LARGE1: variants seen among roughly 807,000 people sequenced by gnomAD.
The protein encoded by LARGE1 is LARGE xylosyl- and glucuronyltransferase 1, also known as xylosyl- and glucuronyltransferase LARGE1.
Under a neutral mutation model 87.6 loss-of-function variants are expected in LARGE1, and 43 were observed. That is an observed-to-expected ratio of 0.49 (90% CI 0.38 to 0.63). The LOEUF (loss-of-function observed/expected upper bound fraction) is 0.63. Among genes scored for constraint, LARGE1 ranks in the 30% least tolerant of loss-of-function variants. The pLI is 0.00. For synonymous variants in LARGE1, 434 were observed against 394.6 expected, an observed-to-expected ratio of 1.10 and a Z score of -1.18; for missense variants, 802 against 1,000.2, an observed-to-expected ratio of 0.80 and a Z score of 2.67.
chr22:33,835,824 G>A (rs1307874319), intron 1 of LARGE1, among the ~76,000 whole-genome samples: 4 of 152,194 alleles, frequency 2.6e-5, no homozygotes, highest in Non-Finnish European at 5.9e-5. Flanking sequence ...CACATTAGGC[G>A]TTAACTACCA....
chr22:33,600,773 G>A (rs2079092957), intron 5 of LARGE1, among the ~76,000 whole-genome samples: 1 of 152,132 alleles, frequency 6.6e-6, no homozygotes, highest in South Asian at 2.1e-4. Flanking sequence ...TCAGCCGGGG[G>A]CAGTGGCTCA....
chr22:33,750,223 G>A (rs1412450557), intron 2 of LARGE1, among the ~76,000 whole-genome samples: 2 of 152,170 alleles, frequency 1.3e-5, no homozygotes, highest in Admixed American at 6.5e-5. Flanking sequence ...GATGGAGATC[G>A]TGACAAAATG....
intron 7 of LARGE1, among the ~76,000 whole-genome samples, chr22:33,414,541 G>C (rs1001335003): frequency 6.6e-6 from 1 of 152,148 alleles, no homozygotes; most frequent in Non-Finnish European, 1.5e-5. Context: ...ACTAGGATTG[G>C]CAACTCATGT....
At chr22:33,584,632 T>G (rs2078616797) in intron 5 of LARGE1, among the ~76,000 whole-genome samples, 1 of 151,714 alleles carries the variant, frequency 6.6e-6, no homozygotes, top group Non-Finnish European at 1.5e-5. Flanking sequence ...TTAAATAGAG[T>G]TAACATCAGG....
chr22:33,729,298 C>T (rs1291068393), intron 2 of LARGE1, among the ~76,000 whole-genome samples: 1 of 152,142 alleles, frequency 6.6e-6, no homozygotes, highest in African/African-American at 2.4e-5. Flanking sequence ...ATCAACCATC[C>T]AATTTTAAGG....
chr22:33,095,025 G>T, the LARGE1 span, among the ~76,000 whole-genome samples: 2 of 152,094 alleles, frequency 1.3e-5, no homozygotes, highest in African/African-American at 4.8e-5. Flanking sequence ...GGCCTCTCCT[G>T]TGTTCTTATA....
At position 33,838,536 on chromosome 22, in the gene LARGE1, G is replaced by C. The variant is rs561565315; in HGVS notation, c.-82-76978C>G. ...TGCCTGCAGTCCCAGCTACTTGGGA[G>C]GCTGAGGCAGGAGGATCACTTGAGC... On this transcript the variant is annotated intron_variant, in intron 1 of 14. Coordinates refer to ENST00000397394, the MANE Select transcript of LARGE1 (RefSeq NM_133642.5). Among the ~76,000 whole-genome samples, 420 of 152,310 alleles carry C rather than the reference G, an allele frequency of 2.8e-3. 2 individuals are homozygous for C. Among genetic ancestry groups the C allele is most frequent in the African/African-American group, 9.5e-3 (396 of 41,568 alleles).
chr22:33,731,690 C>T (rs1257345950), intron 2 of LARGE1, among the ~76,000 whole-genome samples: 1 of 152,082 alleles, frequency 6.6e-6, no homozygotes, highest in African/African-American at 2.4e-5. Context: ...TCGAAGTTTG[C>T]TGGGAGGGTA....
At chr22:33,100,349 C>CAAA in the LARGE1 span, among the ~76,000 whole-genome samples, 65 of 65,020 alleles carry the variant, frequency 1.0e-3, no homozygotes, top group Non-Finnish European at 1.1e-3. Context: ...GACTCCATCT[C>CAAA]AAAAAAAAAA....
At chr22:33,484,821 T>C (rs2069496388) in intron 6 of LARGE1, among the ~76,000 whole-genome samples, 1 of 152,152 alleles carries the variant, frequency 6.6e-6, no homozygotes, top group African/African-American at 2.4e-5. Context: ...TTCCTTATTG[T>C]CATTTTTGTG....
At chr22:33,505,154 T>G (rs1465579807) in intron 6 of LARGE1, among the ~76,000 whole-genome samples, 1 of 152,244 alleles carries the variant, frequency 6.6e-6, no homozygotes, top group Non-Finnish European at 1.5e-5. Context: ...TTCAACAGCT[T>G]GTCTATCTAC....
intron 9 of LARGE1, among the ~76,000 whole-genome samples, chr22:33,353,642 A>G (rs1336033276): frequency 6.6e-6 from 1 of 152,236 alleles, no homozygotes; most frequent in Non-Finnish European, 1.5e-5. Flanking sequence ...AGAGAATGAA[A>G]GACAGAAAGA....
intron 11 of LARGE1, among the ~76,000 whole-genome samples, chr22:33,250,811 T>G (rs1171729493): frequency 6.6e-6 from 1 of 152,248 alleles, no homozygotes; most frequent in Admixed American, 6.5e-5. Context: ...CATTAATTGA[T>G]TTCAAATTGA....
chr22:33,333,176 A>C (rs112632309), intron 10 of LARGE1, among the ~76,000 whole-genome samples: 19,457 of 151,740 alleles, frequency 0.13, 3,094 homozygotes, highest in African/African-American at 0.38. Context: ...CCCACCACCA[A>C]GCTCGGCTAT....
chr22:33,633,350 G>C (rs1306178515), intron 3 of LARGE1, among the ~76,000 whole-genome samples: 1 of 152,186 alleles, frequency 6.6e-6, no homozygotes, highest in Non-Finnish European at 1.5e-5. Context: ...CCACACAAGA[G>C]CAACCAGTGA....
At chr22:33,087,108 C>T in the LARGE1 span, among the ~76,000 whole-genome samples, 2 of 151,722 alleles carry the variant, frequency 1.3e-5, no homozygotes, top group Non-Finnish European at 2.9e-5. Context: ...TAGATTTGTT[C>T]TGCTGAAGTA....
chr22:33,915,063 A>AGAGG (rs373320707), intron 1 of LARGE1, among the ~76,000 whole-genome samples: 1 of 150,454 alleles, frequency 6.6e-6, no homozygotes, highest in Admixed American at 6.6e-5. Context: ...AGAGAGAGAG[A>AGAGG]GGCTTCTAAC....
At chr22:33,862,056 T>A (rs1406155087) in intron 1 of LARGE1, among the ~76,000 whole-genome samples, 1 of 151,796 alleles carries the variant, frequency 6.6e-6, no homozygotes, top group Non-Finnish European at 1.5e-5. Context: ...ACAGAGGGTC[T>A]CACCATGTTG....
At chr22:33,102,187 T>G in the LARGE1 span, among the ~76,000 whole-genome samples, 1 of 151,604 alleles carries the variant, frequency 6.6e-6, no homozygotes, top group Non-Finnish European at 1.5e-5. Context: ...TTTTTTTTTT[T>G]GAGATGGAGT....
Sources: allele counts gnomAD v4.1 joint callset (sites outside exome capture counted in the v4.1 genomes callset), GRCh38; gene constraint gnomAD v4.1.1; transcripts MANE v1.5; gene names NCBI Gene and HGNC (gene_info 2026-07-23, HGNC 2026-07-21).